The following AGAP1 variants were observed in gnomAD, a reference collection of about 807,000 sequenced individuals.
AGAP1 encodes ArfGAP with GTPase domain, ankyrin repeat and PH domain 1.
A neutral mutation model predicts 105.3 loss-of-function variants in AGAP1; 29 were observed. That is an observed-to-expected ratio of 0.28 (90% CI 0.21 to 0.38). AGAP1 has a LOEUF of 0.38. AGAP1 is among the 10% of genes least tolerant of loss of function. The pLI is 1.00. For missense variants in AGAP1, 998 were observed against 1,165.1 expected (o/e 0.86, Z 2.09); for synonymous variants, 509 against 485.9 (o/e 1.05, Z -0.63).
intron 15 of AGAP1, among the ~76,000 whole-genome samples, chr2:236,047,004 C>T (rs139029305): frequency 6.6e-6 from 1 of 152,308 alleles, no homozygotes; most frequent in East Asian, 1.9e-4. Context: ...TGATGTGCAC[C>T]TGTAGTCCCA....
chr2:236,039,220 G>A (rs978522075), intron 14 of AGAP1, among the ~76,000 whole-genome samples: 3 of 152,170 alleles, frequency 2.0e-5, no homozygotes, highest in African/African-American at 7.2e-5. Context: ...TAAGGTGGGA[G>A]GATCACTTGA....
chr2:235,527,756 G>T (rs921859565), intron 1 of AGAP1, among the ~76,000 whole-genome samples: 103 of 152,118 alleles, frequency 6.8e-4, no homozygotes, highest in Non-Finnish European at 1.3e-4. Context: ...GGAAAAAAAT[G>T]CCCACAGCCT....
At position 235,552,822 on chromosome 2, in the gene AGAP1, G is replaced by A. The variant is rs1218554623; in HGVS notation, c.163+57973G>A. Among the ~76,000 whole-genome samples, 3 of 152,162 alleles carry A rather than the reference G, an allele frequency of 2.0e-5. No individual in the cohort carries two copies. The highest frequency in any genetic ancestry group is 6.5e-5 in the Admixed American group (1 of 15,270). On this transcript the variant is annotated intron_variant, in intron 1 of 17. Coordinates refer to ENST00000304032, the MANE Select transcript of AGAP1 (RefSeq NM_001037131.3). This position sits in a 1 kb window ranked among gnomAD's most constrained non-coding sequence, Gnocchi z 5.9. ...TGCAGTGCCTGACAGAGTGTGATGG[G>A]CCCCATCTCTCTCTGCTGAGCCGGG...
At chr2:235,641,301 TTC>T (rs1319617587) in intron 1 of AGAP1, among the ~76,000 whole-genome samples, 2 of 83,814 alleles carry the variant, frequency 2.4e-5, no homozygotes, top group African/African-American at 4.8e-5. Context: ...GATTCTTTCT[TTC>T]TCTCTCTCTT....
chr2:235,757,106 A>G (rs906584405), intron 6 of AGAP1, among the ~76,000 whole-genome samples: 3 of 152,238 alleles, frequency 2.0e-5, no homozygotes, highest in Non-Finnish European at 2.9e-5. Context: ...TCATATGACC[A>G]TAGGAAAACC....
intron 9 of AGAP1, among the ~76,000 whole-genome samples, chr2:235,832,773 A>T (rs1480542068): frequency 6.6e-6 from 1 of 152,174 alleles, no homozygotes; most frequent in Non-Finnish European, 1.5e-5. Flanking sequence ...CTTGGGAGTG[A>T]AGGGATGTTC....
rs1277908115 is a variant in AGAP1 at position 235,625,480 on chromosome 2, T to C, written c.164-83699T>C. Among the ~76,000 whole-genome samples, 2 of 152,230 alleles carry C rather than the reference T, an allele frequency of 1.3e-5. No individual in the cohort carries two copies. Among genetic ancestry groups the C allele is most frequent in the Admixed American group, 6.5e-5 (1 of 15,282 alleles). Reference sequence around the variant, plus strand: ...CCTTTGGAGGGATGGTGGGTTTCAATGGTTTGAAAGAGAAAACCATGCTTT... The same window carrying C: ...CCTTTGGAGGGATGGTGGGTTTCAACGGTTTGAAAGAGAAAACCATGCTTT... On this transcript the variant is annotated intron_variant, in intron 1 of 17. Transcript: ENST00000304032. This position sits in a 1 kb window ranked among gnomAD's most constrained non-coding sequence, Gnocchi z 4.0.
At position 235,709,545 on chromosome 2, in the gene AGAP1, A is replaced by C. The variant is rs998257531; in HGVS notation, c.222+308A>C. Among the ~76,000 whole-genome samples the C allele has an allele frequency of 5.8e-5, 8 of 137,264 alleles. No individual in the cohort carries two copies. The East Asian group carries it at 1.5e-3, about 25-fold the overall frequency. 90.1% of individuals were successfully genotyped at this position (137,264 alleles called of 152,430 possible). A position where few individuals can be genotyped will look rare whatever the true frequency, so the allele number is the denominator to read the frequency against. On this transcript the variant is annotated intron_variant, in intron 2 of 17. Transcript: ENST00000304032. ...GGTGTGTGTGTGTCCACACACACAC[A>C]CCCCCATGGGTTGATTTGTCCTTTG...
intron 9 of AGAP1, among the ~76,000 whole-genome samples, chr2:235,828,557 T>C (rs747530332): frequency 7.9e-5 from 12 of 152,174 alleles, no homozygotes; most frequent in Non-Finnish European, 1.5e-4. Context: ...TGGGGAGGTC[T>C]TGCCCAGGGG....
intron 13 of AGAP1, among the ~76,000 whole-genome samples, chr2:235,974,074 C>T (rs1298210819): frequency 1.3e-5 from 2 of 152,126 alleles, no homozygotes; most frequent in African/African-American, 2.4e-5. Flanking sequence ...TGGTGGTTCT[C>T]GTTAGTTTTA....
chr2:235,618,791 C>T (rs990857741), intron 1 of AGAP1, among the ~76,000 whole-genome samples: 5 of 152,126 alleles, frequency 3.3e-5, no homozygotes, highest in South Asian at 2.1e-4. Flanking sequence ...GACGTAATAA[C>T]GGCCCCCAAA....
intron 13 of AGAP1, among the ~76,000 whole-genome samples, chr2:236,018,961 A>C (rs536113352): frequency 6.6e-6 from 1 of 152,330 alleles, no homozygotes; most frequent in East Asian, 1.9e-4. Context: ...ATTTCATCAC[A>C]GATACAGCTT....
chr2:235,893,338 T>C lies in AGAP1; in HGVS notation c.1155+9889T>C, dbSNP rs1179145322. On this transcript the variant is annotated intron_variant, in intron 10 of 17. Coordinates refer to ENST00000304032, the MANE Select transcript of AGAP1 (RefSeq NM_001037131.3). This position sits in a 1 kb window ranked among gnomAD's most constrained non-coding sequence, Gnocchi z 4.7. ...GCCGTGTCTGTGGCATGGGTGTGGC[T>C]TGTCTGTGGTGTGGGTGTGCCGTGT... Among the ~76,000 whole-genome samples the C allele has an allele frequency of 6.9e-6, 1 of 144,356 alleles. No individual in the cohort carries two copies. The highest frequency in any genetic ancestry group is 2.1e-4 in the East Asian group (1 of 4,808). The allele number at this position is 144,356 out of a possible 152,430, so 94.7% of individuals were successfully genotyped here. A position where few individuals can be genotyped will look rare whatever the true frequency, so the allele number is the denominator to read the frequency against.
In AGAP1 at chr2:235,964,215, A is replaced by G. The variant is rs1190300605; in HGVS notation, c.1484-4247A>G. Among the ~76,000 whole-genome samples the G allele has an allele frequency of 6.6e-6, 1 of 152,174 alleles. No individual in the cohort carries two copies. ...CAGAGGGAAGGACGCACAGTTGGGG[A>G]TGAACATGGCCTGTCGAAATGAGAG... On this transcript the variant is annotated intron_variant, in intron 12 of 17. Coordinates refer to ENST00000304032, the MANE Select transcript of AGAP1 (RefSeq NM_001037131.3). The surrounding 1 kb of genome is among the most constrained non-coding windows in gnomAD (Gnocchi z 4.6).
rs2054468291 is a variant in AGAP1 at position 235,967,739 on chromosome 2, G to GTA, written c.1484-722_1484-721dup. On this transcript the variant is annotated intron_variant, in intron 12 of 17. Coordinates refer to ENST00000304032, the MANE Select transcript of AGAP1 (RefSeq NM_001037131.3). The surrounding 1 kb of genome is among the most constrained non-coding windows in gnomAD (Gnocchi z 4.7). Reference sequence around the variant, plus strand: ...TGAATTATATGCGCGTTCTGGTCATGTAGTACCGCTTTGGCCTTCTCTTTG... The same window carrying GTA: ...TGAATTATATGCGCGTTCTGGTCATGTATAGTACCGCTTTGGCCTTCTCTTTG... Among the ~76,000 whole-genome samples the GTA allele has an allele frequency of 6.6e-6, 1 of 152,200 alleles. No individual in the cohort carries two copies. The highest frequency in any genetic ancestry group is 1.5e-5 in the Non-Finnish European group (1 of 68,044).
In AGAP1 at chr2:235,771,678, T is replaced by A. The variant is rs565664889; in HGVS notation, c.673+21190T>A. Among the ~76,000 whole-genome samples, 271 of 152,228 alleles carry A rather than the reference T, an allele frequency of 1.8e-3. 2 individuals are homozygous for A. The highest frequency in any genetic ancestry group is 6.3e-3 in the African/African-American group (263 of 41,540). ...TGACTCCGGCCGTTGTGGTGGGTGCTCATCTGCGTCAGTTACATCTTGTGC... is the reference window on the plus strand; with the variant it reads ...TGACTCCGGCCGTTGTGGTGGGTGCACATCTGCGTCAGTTACATCTTGTGC... On this transcript the variant is annotated intron_variant, in intron 6 of 17. Transcript: ENST00000304032.
intron 1 of AGAP1, among the ~76,000 whole-genome samples, chr2:235,503,924 T>A (rs1305041824): frequency 3.3e-5 from 5 of 152,178 alleles, no homozygotes; most frequent in African/African-American, 1.2e-4. Context: ...ACAGTCTCTG[T>A]CAATCAGGCT....
intron 11 of AGAP1, among the ~76,000 whole-genome samples, chr2:235,929,656 G>C (rs2052626710): frequency 6.6e-6 from 1 of 152,112 alleles, no homozygotes; most frequent in Admixed American, 6.5e-5. Flanking sequence ...CCGCTTGTTT[G>C]AGGGGAGACC....
Position 236,005,477 on chromosome 2 carries a change from A to G in AGAP1, c.1646-31084A>G, listed in dbSNP as rs2056291081. 2.0e-5 allele frequency among the ~76,000 whole-genome samples: 3 copies of G among 152,140 alleles called. No individual in the cohort carries two copies. Among genetic ancestry groups the G allele is most frequent in the Admixed American group, 6.5e-5 (1 of 15,270 alleles). ...AATTTACCTCTTTCATTAGTATGGT[A>G]CATTTCTTAGAGTTCATGAGTCAAT... is the stretch of plus-strand genomic sequence containing the variant. On this transcript the variant is annotated intron_variant, in intron 13 of 17. Coordinates refer to ENST00000304032, the MANE Select transcript of AGAP1 (RefSeq NM_001037131.3). This position sits in a 1 kb window ranked among gnomAD's most constrained non-coding sequence, Gnocchi z 4.1.
Sources: gnomAD v4.1 joint callset for allele counts (sites outside exome capture counted in the v4.1 genomes callset) on GRCh38, gnomAD v4.1.1 for gene constraint, Gnocchi (gnomAD v3.1) non-coding constraint, MANE v1.5 for transcripts, NCBI Gene and HGNC (gene_info 2026-07-23, HGNC 2026-07-21) for gene names.